The following MGA variants were observed in gnomAD, a reference collection of about 807,000 sequenced individuals.
The protein encoded by MGA is MAX dimerization protein MGA.
Under a neutral mutation model 261.1 loss-of-function variants are expected in MGA, and 40 were observed. The ratio of observed to expected loss-of-function variants is 0.15; its 90% confidence interval spans 0.12 to 0.20. The LOEUF is 0.20. Among genes scored for constraint, MGA ranks in the 10% least tolerant of loss-of-function variants. MGA has a pLI of 1.00. For synonymous variants in MGA, 1,302 were observed against 1,290.6 expected (o/e 1.01, Z -0.19); for missense variants, 3,397 against 3,630.5 (o/e 0.94, Z 1.65).
intron 5 of MGA, among the ~76,000 whole-genome samples, chr15:41,703,143 TTAGTAGTGA>T (rs1339237561): frequency 6.6e-6 from 1 of 152,196 alleles, no homozygotes; most frequent in Non-Finnish European, 1.5e-5. Context: ...CACAAGACTT[TTAGTAGTGA>T]TGTCTCCTTA....
At chr15:41,694,276 C>T (rs917333704) in intron 2 of MGA, among the ~76,000 whole-genome samples, 4 of 151,812 alleles carry the variant, frequency 2.6e-5, no homozygotes, top group Non-Finnish European at 5.9e-5. Context: ...ATTAGCCGGG[C>T]GTGTTGGTGC....
rs2062662936 is a variant in MGA at position 41,748,834 on chromosome 15, C to T, written c.5410C>T (p.Pro1804Ser). The change falls in exon 16 of 24, where the codon CCT becomes TCT. Residue 1804 changes from proline to serine, a missense_variant. Pro to Ser is a moderately conservative substitution (Grantham distance 74). This residue lies in a region of MGA where 1,410 missense variants were observed against 1,386.4 expected (regional missense o/e 1.02). Transcript: ENST00000219905. The stretch of plus-strand genomic sequence containing the variant: ...AAGTGGAATGAACTTATTCAGGCAC[C>T]CTAATGGGCAGATTGTCCAGCTTCT... 1.2e-6 allele frequency: 2 copies of T among 1,613,934 alleles called. No homozygotes were observed. Among genetic ancestry groups the T allele is most frequent in the Non-Finnish European group, 1.7e-6 (2 of 1,179,878 alleles).
At chr15:41,626,924 GC>G (rs2056469694) in intron 1 of MGA, among the ~76,000 whole-genome samples, 1 of 152,010 alleles carries the variant, frequency 6.6e-6, no homozygotes. Context: ...AGCGCAAATG[GC>G]ACTATCTCTG....
Position 41,760,332 on chromosome 15 carries a change from A to G in MGA, c.7201A>G (p.Ile2401Val), listed in dbSNP as rs761914225. ...AATCTTGTTTGGACAGGCTCCACCA[A>G]TTCCTCTAAAACTGAAGCCTGATTA... Residue 2401 changes from isoleucine to valine, a missense_variant, in exon 20 of 24, where the codon ATT (isoleucine) becomes GTT (valine). Ile to Val is a conservative substitution (Grantham distance 29). Coordinates refer to ENST00000219905, the MANE Select transcript of MGA (RefSeq NM_001164273.2). The G allele has an allele frequency of 8.7e-6, 14 of 1,613,866 alleles. No homozygotes were observed. Among genetic ancestry groups the G allele is most frequent in the Middle Eastern group, 1.6e-4 (1 of 6,082 alleles).
At chr15:41,709,584 A>C (rs551015866) in intron 7 of MGA, among the ~76,000 whole-genome samples, 14 of 151,730 alleles carry the variant, frequency 9.2e-5, no homozygotes, top group Admixed American at 3.3e-4. Context: ...AGCTGTGACC[A>C]CAGGTGTGCG....
At chr15:41,633,022 G>A (rs1255567666) in intron 1 of MGA, among the ~76,000 whole-genome samples, 3 of 151,308 alleles carry the variant, frequency 2.0e-5, no homozygotes, top group Admixed American at 6.6e-5. Flanking sequence ...CATGATCTCA[G>A]CTCACTGCAA....
chr15:41,716,366 A>G (rs1229789259), intron 9 of MGA, among the ~76,000 whole-genome samples: 2 of 152,180 alleles, frequency 1.3e-5, no homozygotes, highest in Admixed American at 1.3e-4. Flanking sequence ...AGGCAGGAGA[A>G]TGGTGTGAAC....
intron 9 of MGA, among the ~76,000 whole-genome samples, chr15:41,716,432 C>G (rs577297657): frequency 6.6e-6 from 1 of 151,222 alleles, no homozygotes; most frequent in South Asian, 2.1e-4. Flanking sequence ...CCAGCCTGGG[C>G]GACAAAGCGA....
At chr15:41,765,106 C>T (rs760908147) in intron 23 of MGA, 44 bp downstream of exon 23, 1 of 1,591,174 alleles carries the variant, frequency 6.3e-7, no homozygotes, top group Non-Finnish European at 8.6e-7. Flanking sequence ...ATAAAGTTAT[C>T]CCTAACATCT....
chr15:41,635,060 G>C (rs1311382827), intron 1 of MGA, among the ~76,000 whole-genome samples: 2 of 152,162 alleles, frequency 1.3e-5, no homozygotes, highest in East Asian at 3.8e-4. Flanking sequence ...TTGGCTGGGT[G>C]TGGTGGCTCA....
rs1203624185 is a variant in MGA, at chr15:41,749,555, CAATAAA to C, written c.5951_5956del (p.Ile1984_Lys1985del). On this transcript the variant is annotated inframe_deletion, in exon 17 of 24. Transcript: ENST00000219905. ...CCAGACCAGAAAGATGAAACAAACT[CAATAAA>C]AAGAGAGCAAGAAACGAAGAAGGTT... The C allele has an allele frequency of 2.5e-6, 4 of 1,613,826 alleles. No individual in the cohort carries two copies. The highest frequency in any genetic ancestry group is 3.4e-6 in the Non-Finnish European group (4 of 1,179,868).
intron 5 of MGA, among the ~76,000 whole-genome samples, chr15:41,700,290 C>T (rs1015534431): frequency 2.0e-5 from 3 of 152,052 alleles, no homozygotes; most frequent in Non-Finnish European, 4.4e-5. Context: ...TCATGATCTG[C>T]CCGCCTCGGC....
In MGA at chr15:41,749,323, C is replaced by T; in HGVS notation, c.5716C>T (p.Pro1906Ser). 1 of 1,613,944 alleles carries T rather than the reference C, an allele frequency of 6.2e-7. No individual in the cohort carries two copies. The change falls in exon 17 of 24, where the codon CCT becomes TCT. Residue 1906 changes from proline to serine, a missense_variant. This residue lies in a region of MGA where 1,410 missense variants were observed against 1,386.4 expected (regional missense o/e 1.02). Transcript: ENST00000219905. Reference sequence around the variant, plus strand: ...TGGTACATTGACCCTGAGGATTTCTCCTCCTGAACCACAAAGCTTTGCAAG... The same window carrying T: ...TGGTACATTGACCCTGAGGATTTCTTCTCCTGAACCACAAAGCTTTGCAAG...
At chr15:41,703,091 C>A (rs2059931226) in intron 5 of MGA, among the ~76,000 whole-genome samples, 5 of 151,916 alleles carry the variant, frequency 3.3e-5, no homozygotes, top group Admixed American at 2.6e-4. Flanking sequence ...TAGTTTTTAC[C>A]CAATGTCCTT....
intron 9 of MGA, among the ~76,000 whole-genome samples, chr15:41,717,824 T>TAA (rs1041841617): frequency 2.0e-5 from 3 of 152,210 alleles, no homozygotes; most frequent in African/African-American, 7.2e-5. Context: ...AACATAGATG[T>TAA]AAAATTTCTA....
intron 2 of MGA, among the ~76,000 whole-genome samples, chr15:41,682,123 G>A (rs912152537): frequency 6.6e-6 from 1 of 151,936 alleles, no homozygotes; most frequent in Non-Finnish European, 1.5e-5. Context: ...CTCCATGTTG[G>A]TTAGGCTGGT....
intron 1 of MGA, among the ~76,000 whole-genome samples, chr15:41,642,735 A>G (rs1198196469): frequency 2.0e-5 from 3 of 151,964 alleles, no homozygotes; most frequent in Non-Finnish European, 4.4e-5. Flanking sequence ...TAGCCTCCCA[A>G]AGTGCTGGGA....
chr15:41,717,767 T>G (rs2060718760), intron 9 of MGA, among the ~76,000 whole-genome samples: 1 of 152,182 alleles, frequency 6.6e-6, no homozygotes, highest in South Asian at 2.1e-4. Flanking sequence ...TGATATTCAA[T>G]CCATAAGAAG....
chr15:41,748,946 T>G lies in MGA; in HGVS notation c.5503+19T>G. ...AACCCAGGTATAAAGTTCTTTTTTA[T>G]GAACTTTTCTTTTGTTGAATCACTT... On this transcript the variant is annotated intron_variant, in intron 16 of 23. Transcript: ENST00000219905. The G allele has an allele frequency of 3.7e-6, 6 of 1,606,956 alleles. No individual in the cohort carries two copies. Among genetic ancestry groups the G allele is most frequent in the Non-Finnish European group, 5.1e-6 (6 of 1,176,760 alleles).
Sources: gnomAD v4.1 joint callset for allele counts (sites outside exome capture counted in the v4.1 genomes callset) on GRCh38, gnomAD v4.1.1 for gene constraint, gnomAD v4.1.1 regional missense constraint, MANE v1.5 for transcripts, NCBI Gene and HGNC (gene_info 2026-07-23, HGNC 2026-07-21) for gene names.